NLRC3: variants seen among roughly 807,000 people sequenced by gnomAD.
The protein encoded by NLRC3 is NLR family CARD domain-containing protein 3.
Under a neutral mutation model 91.6 loss-of-function variants are expected in NLRC3, and 87 were observed. The ratio of observed to expected loss-of-function variants is 0.95; its 90% CI spans 0.80 to 1.14. The LOEUF (loss-of-function observed/expected upper bound fraction) is 1.14, where lower values mean the gene tolerates loss of function less well. Among genes scored for constraint, NLRC3 ranks in the 50% most tolerant of loss-of-function variants. The pLI, the probability that NLRC3 is intolerant of heterozygous loss-of-function variation, is 0.00. For synonymous variants in NLRC3, 694 were observed against 625.3 expected, an observed-to-expected ratio of 1.11 and a Z score of -1.64; for missense variants, 1,577 against 1,418.6, an observed-to-expected ratio of 1.11 and a Z score of -1.79.
At chr16:3,554,535 G>A (rs2039194650) in intron 8 of NLRC3, among the ~76,000 whole-genome samples, 1 of 152,232 alleles carries the variant, frequency 6.6e-6, no homozygotes, top group South Asian at 2.1e-4. Context: ...TTTGCCTGCT[G>A]GCTGGGAACA....
chr16:3,556,768 G>C (rs1299767614), intron 8 of NLRC3, 143 bp downstream of exon 8: 11 of 630,308 alleles, frequency 1.7e-5, no homozygotes, highest in Non-Finnish European at 3.1e-5. Flanking sequence ...CTCCCAAAGG[G>C]TTGGGATTAC....
chr16:3,561,609 C>T (rs8050566), intron 6 of NLRC3, 93 bp downstream of exon 6: 387,382 of 834,470 alleles, frequency 0.46, 92,444 homozygotes, highest in South Asian at 0.64. Flanking sequence ...TCCGTGGCAG[C>T]GCCGCTGGCC....
Position 3,548,353 on chromosome 16 carries a change from G to T in NLRC3, c.2688-135C>A. 7 of 731,160 alleles carry T rather than the reference G, an allele frequency of 9.6e-6. No individual in the cohort carries two copies. In the South Asian group the frequency reaches 1.0e-4, roughly 11 times the overall value. 45.3% of individuals were successfully genotyped at this position (731,160 alleles called of 1,614,324 possible). On this transcript the variant is annotated intron_variant, in intron 14 of 19. Transcript: ENST00000359128. Reference sequence around the variant, plus strand: ...GGAGAATTCCTGCAACCCCTGCCCAGACTTAGTTCTCAGAGGGTCACATGT... The same window carrying T: ...GGAGAATTCCTGCAACCCCTGCCCATACTTAGTTCTCAGAGGGTCACATGT...
chr16:3,575,736 A>G (rs1026935611), intron 1 of NLRC3, among the ~76,000 whole-genome samples: 2 of 151,526 alleles, frequency 1.3e-5, no homozygotes, highest in Non-Finnish European at 2.9e-5. Flanking sequence ...GCCTCTGCCC[A>G]TCACCCGCCC....
At chr16:3,547,603 T>A (rs1301808373) in intron 15 of NLRC3, among the ~76,000 whole-genome samples, 1 of 152,136 alleles carries the variant, frequency 6.6e-6, no homozygotes, top group Non-Finnish European at 1.5e-5. Flanking sequence ...CATATATGTA[T>A]GTGTATATAT....
chr16:3,563,596 C>T lies in NLRC3; in HGVS notation c.1341G>A (p.Ser447=), dbSNP rs569145561. 292 of 1,613,012 alleles carry T rather than the reference C, an allele frequency of 1.8e-4. No homozygotes were observed. The highest frequency in any genetic ancestry group is 2.2e-4 in the Non-Finnish European group (261 of 1,179,698). Residue 447 remains serine, a synonymous_variant, in exon 5 of 20, where the codon TCG becomes TCA. Coordinates refer to ENST00000359128, the MANE Select transcript of NLRC3 (RefSeq NM_178844.4). Reference sequence around the variant, plus strand: ...GGTGGGTGAAGCAGTAGGCCACTGACGATGCCAACGTCTCCTCTCTCTGCA... The same window carrying T: ...GGTGGGTGAAGCAGTAGGCCACTGATGATGCCAACGTCTCCTCTCTCTGCA... ...CFLQREETLA[S]SVAYCFTHLS... is the part of the protein sequence containing the mutation.
At chr16:3,546,924 G>A (rs964704552) in intron 15 of NLRC3, among the ~76,000 whole-genome samples, 5 of 152,118 alleles carry the variant, frequency 3.3e-5, no homozygotes, top group South Asian at 2.1e-4. Context: ...AAAAGAGGAC[G>A]AGGCCCAGAC....
chr16:3,549,032 A>C (rs1247079167), intron 13 of NLRC3, 110 bp downstream of exon 13: 14 of 862,942 alleles, frequency 1.6e-5, no homozygotes, highest in Non-Finnish European at 2.3e-5. Context: ...CTCCCCAGCC[A>C]GCTCCTTCTC....
intron 16 of NLRC3, 45 bp downstream of exon 16, chr16:3,544,201 G>A: frequency 8.4e-7 from 1 of 1,193,572 alleles, no homozygotes; most frequent in South Asian, 1.2e-5. Flanking sequence ...TGAAAGGATG[G>A]CGAAGGGACC....
intron 8 of NLRC3, among the ~76,000 whole-genome samples, chr16:3,556,179 A>C (rs1178122325): frequency 3.3e-5 from 5 of 150,474 alleles, no homozygotes; most frequent in Non-Finnish European, 7.4e-5. Flanking sequence ...AAATACAAAA[A>C]AATTAGCCAG....
At chr16:3,570,550 G>A (rs1045630801) in intron 1 of NLRC3, among the ~76,000 whole-genome samples, 4 of 152,172 alleles carry the variant, frequency 2.6e-5, no homozygotes, top group Non-Finnish European at 2.9e-5. Flanking sequence ...GGAATAAACT[G>A]TGAGTGACAA....
At chr16:3,575,809 G>T (rs1037832095) in intron 1 of NLRC3, among the ~76,000 whole-genome samples, 4 of 152,176 alleles carry the variant, frequency 2.6e-5, no homozygotes, top group African/African-American at 9.6e-5. Context: ...CTTGGCGCCC[G>T]GGTGGGACTT....
rs35126359 is a variant in NLRC3, at chr16:3,574,007, C to CTTTTTTTTTT, written c.-169+3132_-169+3141dup. Reference sequence around the variant, plus strand: ...GCTTGGCCCATTGTAACCATTTTATCTTTTTTTTTTTTTTTTTTTTTTTTT... The same window carrying CTTTTTTTTTT: ...GCTTGGCCCATTGTAACCATTTTATCTTTTTTTTTTTTTTTTTTTTTTTTTTTTTTTTTTT... On this transcript the variant is annotated intron_variant, in intron 1 of 19. Transcript: ENST00000359128. Among the ~76,000 whole-genome samples, 94 of 40,420 alleles carry CTTTTTTTTTT rather than the reference C, an allele frequency of 2.3e-3. 7 individuals carry two copies. The highest frequency in any genetic ancestry group is 8.0e-3 in the East Asian group (7 of 876). The allele number at this position is 40,420 out of a possible 152,430, so 26.5% of individuals were successfully genotyped here. A position where few individuals can be genotyped will look rare whatever the true frequency, so the allele number is the denominator to read the frequency against.
At chr16:3,561,527 C>T (rs2039611158) in intron 6 of NLRC3, among the ~76,000 whole-genome samples, 175 bp downstream of exon 6, 1 of 152,212 alleles carries the variant, frequency 6.6e-6, no homozygotes, top group South Asian at 2.1e-4. Flanking sequence ...GGCACCTGAG[C>T]CTCTAGCACT....
chr16:3,549,941 C>T (rs1353521743), intron 11 of NLRC3, among the ~76,000 whole-genome samples, 161 bp from the exon 12 acceptor site: 1 of 152,170 alleles, frequency 6.6e-6, no homozygotes, highest in African/African-American at 2.4e-5. Context: ...TTTCCTCTCC[C>T]AGCCCCCCAC....
In NLRC3 at chr16:3,544,287, C is replaced by T. The variant is rs530120218; in HGVS notation, c.2814G>A (p.Val938=). The change falls in exon 16 of 20, where the codon GTG becomes GTA. Residue 938 remains valine (V), a synonymous_variant. Coordinates refer to ENST00000359128, the MANE Select transcript of NLRC3 (RefSeq NM_178844.4). ...NAIGDDGACA[V]ARALKVNTAL... ...CTGTGTTGACCTTCAGTGCACGGGCCACCGCACACGCTCCGTCATCCCCGA... is the reference window on the plus strand; with the variant it reads ...CTGTGTTGACCTTCAGTGCACGGGCTACCGCACACGCTCCGTCATCCCCGA... 5 of 1,613,556 alleles carry T rather than the reference C, an allele frequency of 3.1e-6. No homozygotes were observed. The African/African-American group carries it at 4.0e-5, about 13-fold the overall frequency.
chr16:3,556,397 C>A (rs2039332628), intron 8 of NLRC3, among the ~76,000 whole-genome samples: 1 of 148,458 alleles, frequency 6.7e-6, no homozygotes, highest in South Asian at 2.2e-4. Flanking sequence ...CCTGCTCAGG[C>A]CACACACACA....
intron 1 of NLRC3, among the ~76,000 whole-genome samples, chr16:3,573,939 C>T (rs1328019696): frequency 6.6e-6 from 1 of 151,356 alleles, no homozygotes; most frequent in East Asian, 1.9e-4. Context: ...CCACCTCAGC[C>T]TCCCAAGTAG....
intron 9 of NLRC3, among the ~76,000 whole-genome samples, chr16:3,553,947 A>G (rs928702296): frequency 3.6e-5 from 5 of 140,652 alleles, no homozygotes; most frequent in African/African-American, 5.3e-5. Context: ...GTGTTTTACT[A>G]TTTTGGCCCG....
Sources: allele counts gnomAD v4.1 joint callset (sites outside exome capture counted in the v4.1 genomes callset), GRCh38; gene constraint gnomAD v4.1.1; transcripts MANE v1.5; gene names NCBI Gene and HGNC (gene_info 2026-07-23, HGNC 2026-07-21).